Variants in SYBU observed in about 807,000 individuals in gnomAD.
The protein encoded by SYBU is GOLSYN A protein.
Under a neutral mutation model 35.9 loss-of-function variants are expected in SYBU, and 21 were observed. The ratio of observed to expected loss-of-function variants is 0.58; its 90% CI spans 0.41 to 0.84. The LOEUF (loss-of-function observed/expected upper bound fraction) is 0.84, where lower values mean the gene tolerates loss of function less well. Ranked by LOEUF, SYBU falls within the 40% of genes least tolerant of loss-of-function variation. The probability of loss-of-function intolerance (pLI) is 0.00; values close to 1 mark genes in which losing one functional copy is unlikely to be tolerated. For missense variants in SYBU, 768 were observed against 848.2 expected (o/e 0.91, Z 1.17); for synonymous variants, 319 against 324.3 (o/e 0.98, Z 0.18).
At chr8:109,589,506 C>T (rs1823982846) in intron 3 of SYBU, among the ~76,000 whole-genome samples, 3 of 152,186 alleles carry the variant, frequency 2.0e-5, no homozygotes, top group Admixed American at 1.3e-4. Flanking sequence ...TGATGCCAAA[C>T]GCTTGGTGAC....
In SYBU at chr8:109,606,669, T is replaced by C. The variant is rs1386253047; in HGVS notation, c.427+12173A>G. Among the ~76,000 whole-genome samples the C allele has an allele frequency of 3.9e-5, 6 of 152,314 alleles. No individual in the cohort carries two copies. The South Asian group carries it at 1.2e-3, about 32-fold the overall frequency. Reference sequence around the variant, plus strand: ...CTGCTATTCCATCTACTGTTAGAAATTATACTTATGAAATATTAAGTTAAT... The same window carrying C: ...CTGCTATTCCATCTACTGTTAGAAACTATACTTATGAAATATTAAGTTAAT... On this transcript the variant is annotated intron_variant, in intron 3 of 6. Coordinates refer to ENST00000276646, the MANE Select transcript of SYBU (RefSeq NM_001099754.2).
chr8:109,624,294 A>G (rs562385082), intron 2 of SYBU, among the ~76,000 whole-genome samples: 75 of 152,348 alleles, frequency 4.9e-4, no homozygotes, highest in Non-Finnish European at 3.1e-4. Flanking sequence ...TTTATATTGA[A>G]AATTGGCAAT....
intron 3 of SYBU, among the ~76,000 whole-genome samples, chr8:109,599,162 C>T (rs1248925211): frequency 6.6e-6 from 1 of 152,172 alleles, no homozygotes; most frequent in Non-Finnish European, 1.5e-5. Context: ...GTATCCCCCA[C>T]CAGAGAGCAA....
At chr8:109,645,399 T>C (rs1269855313), upstream of SYBU, 1 of 453,176 alleles carries the variant, frequency 2.2e-6, no homozygotes, top group African/African-American at 2.0e-5. Flanking sequence ...AGGCCTTCAG[T>C]GGTCAGCGCA....
intron 1 of SYBU, among the ~76,000 whole-genome samples, chr8:109,669,389 A>G (rs1037471941): frequency 6.7e-6 from 1 of 149,834 alleles, no homozygotes; most frequent in Admixed American, 6.7e-5. Flanking sequence ...ATGAGTTTGA[A>G]GATATTTGTT....
In SYBU at chr8:109,640,757, T is replaced by C. The variant is rs1554623654; in HGVS notation, c.229+1971A>G. On this transcript the variant is annotated intron_variant, in intron 2 of 6. Transcript: ENST00000276646. Reference sequence around the variant, plus strand: ...TTTAAAACATAATATTTTGATAGGGTTTTTTTTTTCAGAATCAAGCAGACA... The same window carrying C: ...TTTAAAACATAATATTTTGATAGGGCTTTTTTTTTCAGAATCAAGCAGACA... Among the ~76,000 whole-genome samples the C allele has an allele frequency of 3.2e-5, 4 of 124,952 alleles. No individual in the cohort carries two copies. The South Asian group carries it at 9.3e-4, about 29-fold the overall frequency. The allele number at this position is 124,952 out of a possible 152,430, so 82.0% of individuals were successfully genotyped here.
chr8:109,681,851 G>T (rs1246921704), upstream of SYBU, among the ~76,000 whole-genome samples: 1 of 152,146 alleles, frequency 6.6e-6, no homozygotes, highest in Admixed American at 6.5e-5. Context: ...GGAGGTAATT[G>T]AATCATGGTG....
rs778348417 is a variant in SYBU at position 109,575,221 on chromosome 8, G to C, written c.1677C>G (p.Thr559=). The C allele has an allele frequency of 1.2e-6, 2 of 1,614,156 alleles. No individual in the cohort carries two copies. The highest frequency in any genetic ancestry group is 2.2e-5 in the South Asian group (2 of 91,078). ...NSAILLSPVE[T]PYANVDAEVH... ...CTTCTGCATCCACATTGGCGTAGGG[G>C]GTCTCCACGGGAGACAAAAGGATGG... is the stretch of plus-strand genomic sequence containing the variant. The change falls in exon 7 of 7, where the codon ACC becomes ACG. Residue 559 remains threonine, a synonymous_variant. Transcript: ENST00000276646.
rs1826303319 is a variant in SYBU at position 109,608,601 on chromosome 8, A to T, written c.427+10241T>A. On this transcript the variant is annotated intron_variant, in intron 3 of 6. Transcript: ENST00000276646. ...ATTCCCTCTAAATAGAAGTTTGCTC[A>T]GAAAAAATGTTTAGTAAGCTTCCAC... is the stretch of plus-strand genomic sequence containing the variant. 2.0e-5 allele frequency among the ~76,000 whole-genome samples: 3 copies of T among 152,224 alleles called. 1 individual carries two copies. The highest frequency in any genetic ancestry group is 2.0e-4 in the Admixed American group (3 of 15,284).
intron 2 of SYBU, among the ~76,000 whole-genome samples, chr8:109,619,288 A>T (rs73317079): frequency 0.032 from 4,796 of 150,442 alleles, 260 homozygotes; most frequent in African/African-American, 0.11. Flanking sequence ...CAGCGGCGTG[A>T]TCTCAGTTCA....
Position 109,691,320 on chromosome 8 carries a change from G to GC in SYBU, c.-58+12dup, listed in dbSNP as rs1817639538. The stretch of plus-strand genomic sequence containing the variant: ...CACTGACAGCAGAGACCGCATAGGC[G>GC]CCCCGGTCTTACCCTTTCTCGCCCA... On this transcript the variant is annotated intron_variant, in intron 1 of 7. Coordinates refer to the SYBU transcript ENST00000422135. The surrounding 1 kb of genome is among the most constrained non-coding windows in gnomAD (Gnocchi z 4.7). The GC allele has an allele frequency of 5.7e-6, 4 of 700,850 alleles. No homozygotes were observed. Among genetic ancestry groups the GC allele is most frequent in the African/African-American group, 3.5e-5 (2 of 56,900 alleles). The allele number at this position is 700,850 out of a possible 1,614,324, so 43.4% of individuals were successfully genotyped here.
chr8:109,662,574 G>A (rs1406653224), intron 1 of SYBU, among the ~76,000 whole-genome samples: 1 of 152,108 alleles, frequency 6.6e-6, no homozygotes, highest in East Asian at 1.9e-4. Flanking sequence ...GACTCTCCCA[G>A]AGTCTAACCT....
intron 3 of SYBU, among the ~76,000 whole-genome samples, chr8:109,606,002 AT>A (rs1826032188): frequency 6.6e-6 from 1 of 152,220 alleles, no homozygotes; most frequent in Non-Finnish European, 1.5e-5. Context: ...TAGCAAAACA[AT>A]TTCATATATA....
chr8:109,603,063 G>T (rs1046964479), intron 3 of SYBU, among the ~76,000 whole-genome samples: 2 of 152,198 alleles, frequency 1.3e-5, no homozygotes, highest in Non-Finnish European at 2.9e-5. Flanking sequence ...GGACACCTGT[G>T]CAAGGACCAC....
In SYBU at chr8:109,574,909, G is replaced by A. The variant is rs944316581; in HGVS notation, c.1989C>T (p.Thr663=). ...SLRRTAFRIK[T] ...ACACGGTAACAACAACTTCTATTTA[G>A]GTTTTGATACGGAAGGCGGTGCGGC... The change falls in exon 7 of 7, where the codon ACC becomes ACT. Residue 663 remains threonine, a synonymous_variant. Transcript: ENST00000276646. 5.3e-6 allele frequency: 8 copies of A among 1,514,074 alleles called. No individual in the cohort carries two copies. The highest frequency in any genetic ancestry group is 4.0e-5 in the South Asian group (3 of 74,564). The allele number at this position is 1,514,074 out of a possible 1,614,324, so 93.8% of individuals were successfully genotyped here.
chr8:109,602,531 T>C (rs537933967), intron 3 of SYBU, among the ~76,000 whole-genome samples: 1 of 151,024 alleles, frequency 6.6e-6, no homozygotes, highest in African/African-American at 2.4e-5. Context: ...CCTCCTGGGC[T>C]CAGGTGATCC....
chr8:109,653,315 G>A (rs2130723031), intron 1 of SYBU, among the ~76,000 whole-genome samples: 1 of 152,204 alleles, frequency 6.6e-6, no homozygotes, highest in African/African-American at 2.4e-5. Context: ...TGATTAGTTA[G>A]GTATAATTAT....
chr8:109,684,377 C>G (rs3133933), upstream of SYBU, among the ~76,000 whole-genome samples: 29,035 of 152,054 alleles, frequency 0.19, 3,610 homozygotes, highest in East Asian at 0.4. Flanking sequence ...TCTGGACAAA[C>G]TTCATTAGTG....
intron 3 of SYBU, among the ~76,000 whole-genome samples, chr8:109,591,288 T>G (rs1824216260): frequency 6.6e-6 from 1 of 152,204 alleles, no homozygotes; most frequent in Non-Finnish European, 1.5e-5. Context: ...ACCTGCCATA[T>G]GCACAGAACA....
Sources: gnomAD v4.1 joint callset for allele counts (sites outside exome capture counted in the v4.1 genomes callset) on GRCh38, gnomAD v4.1.1 for gene constraint, Gnocchi (gnomAD v3.1) non-coding constraint, MANE v1.5 for transcripts, NCBI Gene and HGNC (gene_info 2026-07-23, HGNC 2026-07-21) for gene names.